The following TOP1MT variants were observed in gnomAD, a reference collection of about 807,000 sequenced individuals.
The protein encoded by TOP1MT is DNA topoisomerase I mitochondrial.
TOP1MT carries 80 observed loss-of-function variants against 73.9 expected under a neutral mutation model. The observed-to-expected ratio is 1.08, with a 90% CI of 0.90 to 1.30. TOP1MT has a LOEUF of 1.30. Ranked by LOEUF, TOP1MT falls within the 50% of genes most tolerant of loss-of-function variation. The pLI, the probability that TOP1MT is intolerant of heterozygous loss-of-function variation, is 0.00. For synonymous variants in TOP1MT, 338 were observed against 326.4 expected (o/e 1.04, Z -0.38); for missense variants, 815 against 808.0 (o/e 1.01, Z -0.10).
chr8:143,321,355 T>A lies in TOP1MT; in HGVS notation c.992A>T (p.Asp331Val), dbSNP rs745531154. Residue 331 changes from aspartate to valine, a missense_variant, in exon 8 of 14, where the codon GAC (aspartate) becomes GTC (valine). Transcript: ENST00000329245. Reference protein sequence around the residue: ...LALRAGNEKEDGEAADTVGCC... With the variant: ...LALRAGNEKEVGEAADTVGCC... ...GCCCACGGTGTCGGCCGCCTCACCG[T>A]CCTCCTTCTCATTTCCTGCTCTCAG... is the stretch of plus-strand genomic sequence containing the variant. 4 of 1,594,352 alleles carry A rather than the reference T, an allele frequency of 2.5e-6. No homozygotes were observed. The South Asian group carries it at 3.3e-5, about 13-fold the overall frequency.
chr8:143,329,236 T>C (rs2130286037), intron 3 of TOP1MT, 114 bp downstream of exon 3: 1 of 1,199,908 alleles, frequency 8.3e-7, no homozygotes, highest in Non-Finnish European at 1.1e-6. Context: ...CTGTGAGTGG[T>C]CACACAGGGG....
chr8:143,324,848 G>A (rs1816661347), intron 5 of TOP1MT, among the ~76,000 whole-genome samples: 1 of 152,158 alleles, frequency 6.6e-6, no homozygotes, highest in Non-Finnish European at 1.5e-5. Context: ...GCACCAGGAG[G>A]CTGGGCGGCC....
intron 4 of TOP1MT, among the ~76,000 whole-genome samples, chr8:143,325,949 C>T (rs1816696493): frequency 6.6e-6 from 1 of 152,230 alleles, no homozygotes; most frequent in Admixed American, 6.5e-5. Flanking sequence ...CTGGCCTGCA[C>T]AAGCCCCGCC....
rs200286656 is a variant in TOP1MT, at chr8:143,309,591, T to G, written c.1704-48A>C. ...AGGCAAGCAGGCAACTCACCCACCT[T>G]GAAGGCCAGGTCAGGGTGCTCGGCA... On this transcript the variant is annotated intron_variant, in intron 13 of 13. Transcript: ENST00000329245. 1.1e-5 allele frequency: 18 copies of G among 1,609,616 alleles called. No homozygotes were observed. In the Admixed American group the frequency reaches 2.8e-4, roughly 25 times the overall value.
upstream of TOP1MT, among the ~76,000 whole-genome samples, chr8:143,349,640 C>CTTTTT (rs112290042): frequency 6.9e-6 from 1 of 145,954 alleles, no homozygotes. Flanking sequence ...CATCTGTACA[C>CTTTTT]TTTTTTTTTT....
upstream of TOP1MT, among the ~76,000 whole-genome samples, chr8:143,347,716 CCAG>C (rs1307031363): frequency 3.3e-5 from 5 of 151,310 alleles, no homozygotes; most frequent in African/African-American, 1.2e-4. Flanking sequence ...AGCCAGCCAG[CCAG>C]CCAGCCAGCC....
intron 7 of TOP1MT, among the ~76,000 whole-genome samples, chr8:143,321,983 G>A (rs1337486375): frequency 1.3e-4 from 5 of 38,634 alleles, no homozygotes; most frequent in Admixed American, 4.5e-4. Context: ...CCACACGCAC[G>A]CCACACACAT....
chr8:143,338,136 G>A (rs1039869859), upstream of TOP1MT, among the ~76,000 whole-genome samples: 6 of 152,178 alleles, frequency 3.9e-5, no homozygotes, highest in Non-Finnish European at 7.3e-5. Context: ...TGTCTGCAAC[G>A]TGTCCTGCTA....
chr8:143,334,899 G>GCCCCCAGCGGCCAGCCCCGCCCCGC (rs1260445963), upstream of TOP1MT: 5 of 1,372,126 alleles, frequency 3.6e-6, no homozygotes, highest in African/African-American at 1.0e-4. Flanking sequence ...GCTGGGCCCC[G>GCCCCCAGCGGCCAGCCCCGCCCCGC]CCCCAGCGGC....
chr8:143,349,709 C>T (rs527899264), upstream of TOP1MT, among the ~76,000 whole-genome samples: 30 of 149,774 alleles, frequency 2.0e-4, no homozygotes, highest in African/African-American at 6.2e-4. Context: ...GGCATGATTT[C>T]GGCTCACTGC....
rs527280959 is a variant in TOP1MT at position 143,341,003 on chromosome 8, G to A, written c.29+2217C>T. The stretch of plus-strand genomic sequence containing the variant: ...GTGCACCTGCTCCTGGCCACGCTTC[G>A]CACCTCTTCTGTGGGAACTGCTCTG... On this transcript the variant is annotated intron_variant, in intron 2 of 5. Transcript: ENST00000518007. The surrounding 1 kb of genome is among the most constrained non-coding windows in gnomAD (Gnocchi z 4.1). Among the ~76,000 whole-genome samples, 2 of 152,018 alleles carry A rather than the reference G, an allele frequency of 1.3e-5. No homozygotes were observed. Among genetic ancestry groups the A allele is most frequent in the Non-Finnish European group, 2.9e-5 (2 of 68,010 alleles).
chr8:143,332,726 C>T (rs913141172), intron 1 of TOP1MT: 2 of 468,884 alleles, frequency 4.3e-6, no homozygotes, highest in African/African-American at 4.0e-5. Flanking sequence ...GAGAAGTTAA[C>T]GGGCTCAAGA....
chr8:143,358,727 AG>A (rs1396196260), upstream of TOP1MT: 4 of 152,148 alleles, frequency 2.6e-5, no homozygotes, highest in Non-Finnish European at 5.9e-5. Context: ...CGTTCCACAG[AG>A]GTGAGCCTGG....
chr8:143,357,945 G>T (rs1430453631), upstream of TOP1MT, among the ~76,000 whole-genome samples: 1 of 151,668 alleles, frequency 6.6e-6, no homozygotes, highest in Non-Finnish European at 1.5e-5. Context: ...AAAATTAGCT[G>T]GGCATGGTAG....
At chr8:143,323,834 C>A (rs114794102) in intron 7 of TOP1MT, among the ~76,000 whole-genome samples, 165 bp downstream of exon 7, 1 of 151,960 alleles carries the variant, frequency 6.6e-6, no homozygotes, top group Non-Finnish European at 1.5e-5. Flanking sequence ...ACACCCTACA[C>A]ACATGTTCAC....
intron 1 of TOP1MT, among the ~76,000 whole-genome samples, chr8:143,354,963 T>C (rs1251493537): frequency 2.0e-5 from 3 of 152,166 alleles, no homozygotes; most frequent in Non-Finnish European, 4.4e-5. Context: ...TTTTGTGAAG[T>C]TGCAGCAACA....
chr8:143,315,749 G>A lies in TOP1MT; in HGVS notation c.1531C>T (p.Gln511Ter), dbSNP rs1320434279. The A allele has an allele frequency of 1.2e-6, 2 of 1,613,910 alleles. No homozygotes were observed. Among genetic ancestry groups the A allele is most frequent in the East Asian group, 2.2e-5 (1 of 44,888 alleles). The change falls in exon 12 of 14, where the codon CAA becomes TAA. Residue 511 changes from glutamine to a stop codon, truncating the protein, a stop_gained. Transcript: ENST00000329245. LOFTEE classifies it high-confidence loss of function. ...LRRARAEHKA[Q>*]GDGKSRSVLE... is the part of the protein sequence containing the mutation. ...CACCTCCTGGACTTGCCATCCCCTT[G>A]GGCTTTGTGCTCAGCCCTCGCCCTC... is the stretch of plus-strand genomic sequence containing the variant.
upstream of TOP1MT, among the ~76,000 whole-genome samples, chr8:143,346,615 T>TA (rs1303100779): frequency 6.3e-4 from 96 of 152,128 alleles, 1 homozygote; most frequent in African/African-American, 2.2e-3. Context: ...GACCTCATCT[T>TA]AAAAAAGAGA....
chr8:143,322,360 CCACA>C (rs1281104760), intron 7 of TOP1MT, among the ~76,000 whole-genome samples: 19 of 88,446 alleles, frequency 2.1e-4, no homozygotes, highest in African/African-American at 4.6e-4. Context: ...CACACGCACG[CCACA>C]CACACAGGCA....
Sources: allele counts gnomAD v4.1 joint callset (sites outside exome capture counted in the v4.1 genomes callset), GRCh38; gene constraint gnomAD v4.1.1; non-coding constraint Gnocchi (gnomAD v3.1); transcripts MANE v1.5; gene names NCBI Gene and HGNC (gene_info 2026-07-23, HGNC 2026-07-21).